Variants in ADCY5 observed in about 807,000 individuals in gnomAD.
ADCY5 encodes the protein adenylate cyclase type 5.
Under a neutral mutation model 119.7 loss-of-function variants are expected in ADCY5, and 30 were observed. The ratio of observed to expected loss-of-function variants is 0.25; its 90% confidence interval spans 0.19 to 0.34. The LOEUF (loss-of-function observed/expected upper bound fraction) is 0.34, where lower values mean the gene tolerates loss of function less well. Among genes scored for constraint, ADCY5 ranks in the 10% least tolerant of loss-of-function variants. The probability of loss-of-function intolerance (pLI) is 1.00; values close to 1 mark genes in which losing one functional copy is unlikely to be tolerated. For synonymous variants in ADCY5, 753 were observed against 762.2 expected (o/e 0.99, Z 0.20); for missense variants, 1,324 against 1,775.2 (o/e 0.75, Z 4.57).
At position 123,291,218 on chromosome 3, in the gene ADCY5, G is replaced by A. The variant is rs961682801; in HGVS notation, c.3222C>T (p.Phe1074=). Residue 1074 remains phenylalanine (F), a synonymous_variant, in exon 18 of 21, where the codon TTC becomes TTT. Coordinates refer to ENST00000462833, the MANE Select transcript of ADCY5 (RefSeq NM_183357.3). ...ACTCGGAGAAGTTGGCGATGGAGGC[G>A]AACATGACCGCCACACACTCACAGG... ...YQSCECVAVM[F]ASIANFSEFY... 1.1e-5 allele frequency: 17 copies of A among 1,613,898 alleles called. No homozygotes were observed. Among genetic ancestry groups the A allele is most frequent in the African/African-American group, 5.3e-5 (4 of 74,922 alleles).
In ADCY5 at chr3:123,432,411, C is replaced by T. The variant is rs368533914; in HGVS notation, c.1134+15001G>A. Among the ~76,000 whole-genome samples, 29 of 152,116 alleles carry T rather than the reference C, an allele frequency of 1.9e-4. 1 individual carries two copies. Among genetic ancestry groups the T allele is most frequent in the African/African-American group, 6.5e-4 (27 of 41,434 alleles). On this transcript the variant is annotated intron_variant, in intron 1 of 20. Transcript: ENST00000462833. The stretch of plus-strand genomic sequence containing the variant: ...CCAGAAGAAAGACTGGAGAAGGAAC[C>T]GGGTGGAGGGAGAGAAAAATGGTGC...
chr3:123,387,727 C>A (rs1190211653), intron 1 of ADCY5, among the ~76,000 whole-genome samples: 3 of 152,210 alleles, frequency 2.0e-5, no homozygotes, highest in Non-Finnish European at 4.4e-5. Flanking sequence ...ATTAGGCAAA[C>A]ATGTACTAAA....
intron 1 of ADCY5, among the ~76,000 whole-genome samples, chr3:123,381,644 G>T (rs1175771594): frequency 6.6e-6 from 1 of 152,160 alleles, no homozygotes; most frequent in Non-Finnish European, 1.5e-5. Context: ...TGTACAAGGG[G>T]TCCCATATTT....
intron 1 of ADCY5, among the ~76,000 whole-genome samples, chr3:123,423,610 C>A (rs547202609): frequency 6.6e-6 from 1 of 152,168 alleles, no homozygotes; most frequent in Non-Finnish European, 1.5e-5. Flanking sequence ...TGAGGACAGA[C>A]AAGCCCCTGC....
At chr3:123,441,175 G>T (rs1945715714) in intron 1 of ADCY5, among the ~76,000 whole-genome samples, 1 of 152,176 alleles carries the variant, frequency 6.6e-6, no homozygotes, top group African/African-American at 2.4e-5. Context: ...CACCTGGGGA[G>T]ATTTGAAAAC....
chr3:123,429,892 A>AAT (rs1945488975), intron 1 of ADCY5, among the ~76,000 whole-genome samples: 1 of 152,060 alleles, frequency 6.6e-6, no homozygotes, highest in South Asian at 2.1e-4. Context: ...TCCCCAGCTC[A>AAT]CCTGCCCCAA....
chr3:123,447,197 G>A (rs951763291), intron 1 of ADCY5, among the ~76,000 whole-genome samples: 1 of 152,204 alleles, frequency 6.6e-6, no homozygotes, highest in Non-Finnish European at 1.5e-5. Flanking sequence ...AAGGGGCAAG[G>A]AACACTGCAA....
Position 123,282,808 on chromosome 3 carries a change from C to T in ADCY5, c.*1800G>A, listed in dbSNP as rs545028884. ...TGCTAGAGCCCAGTGAGAGGTGGTA[C>T]AGGTGGACATCAAAGTCACATTGTG... is the stretch of plus-strand genomic sequence containing the variant. On this transcript the variant is annotated 3_prime_UTR_variant, in exon 21 of 21. Transcript: ENST00000462833. 2 of 152,262 alleles carry T rather than the reference C, an allele frequency of 1.3e-5. No individual in the cohort carries two copies. The highest frequency in any genetic ancestry group is 3.9e-4 in the East Asian group (2 of 5,170). The allele number at this position is 152,262 out of a possible 1,614,324, so 9.4% of individuals were successfully genotyped here. A position where few individuals can be genotyped will look rare whatever the true frequency, so the allele number is the denominator to read the frequency against.
chr3:123,319,634 G>C, intron 10 of ADCY5, 40 bp downstream of exon 10: 1 of 1,605,136 alleles, frequency 6.2e-7, no homozygotes, highest in Admixed American at 1.7e-5. Context: ...CCTGGTCCTG[G>C]TTCAGCACAG....
intron 1 of ADCY5, among the ~76,000 whole-genome samples, chr3:123,432,390 A>G (rs934460671): frequency 2.0e-5 from 3 of 152,168 alleles, no homozygotes; most frequent in African/African-American, 7.2e-5. Context: ...AAGACACCAG[A>G]AGAAAGACTG....
chr3:123,342,684 A>G (rs1248711699), intron 3 of ADCY5, among the ~76,000 whole-genome samples: 2 of 152,162 alleles, frequency 1.3e-5, no homozygotes, highest in Non-Finnish European at 2.9e-5. Context: ...GTCTGGAATG[A>G]TCTCTCACCC....
chr3:123,448,032 C>T lies in ADCY5; in HGVS notation c.514G>A (p.Glu172Lys). The change falls in exon 1 of 21, where the codon GAG becomes AAG. Residue 172 changes from glutamate to lysine, a missense_variant. By Grantham distance (56) the Glu-to-Lys change is moderately conservative. Transcript: ENST00000462833. ...ERRGKGRAAD[E>K]LEAGAVEGGE... ...CCCTCGACGGCGCCGGCCTCCAGCT[C>T]GTCGGCCGCGCGCCCCTTGCCCCGC... 3 of 1,251,446 alleles carry T rather than the reference C, an allele frequency of 2.4e-6. No individual in the cohort carries two copies. Among genetic ancestry groups the T allele is most frequent in the Non-Finnish European group, 3.0e-6 (3 of 1,000,130 alleles). The allele number at this position is 1,251,446 out of a possible 1,614,324, so 77.5% of individuals were successfully genotyped here.
At chr3:123,326,609 G>T (rs1213933460) in intron 7 of ADCY5, among the ~76,000 whole-genome samples, 1 of 152,226 alleles carries the variant, frequency 6.6e-6, no homozygotes. Context: ...TTGATACTAT[G>T]GCCAAGGAAC....
intron 12 of ADCY5, among the ~76,000 whole-genome samples, chr3:123,310,556 C>T (rs1940510406): frequency 6.6e-6 from 1 of 152,192 alleles, no homozygotes; most frequent in Admixed American, 6.5e-5. Flanking sequence ...CCCCTTCCAA[C>T]CTGAGATTCT....
intron 1 of ADCY5, among the ~76,000 whole-genome samples, chr3:123,419,900 T>C (rs1945266248): frequency 6.6e-6 from 1 of 151,894 alleles, no homozygotes; most frequent in Non-Finnish European, 1.5e-5. Context: ...TATTCTACCT[T>C]GTATTATTTG....
At chr3:123,430,306 C>T (rs1181816322) in intron 1 of ADCY5, among the ~76,000 whole-genome samples, 1 of 152,196 alleles carries the variant, frequency 6.6e-6, no homozygotes, top group East Asian at 1.9e-4. Flanking sequence ...CTCACAGGGA[C>T]AGGCCTCACC....
rs993083685 is a variant in ADCY5, at chr3:123,318,928, C to A, written c.2256+746G>T. ...AATGCAACAGAGAGATCTTGACTGTCCCTGCCAACTTTAACACCTTGAGGT... is the reference window on the plus strand; with the variant it reads ...AATGCAACAGAGAGATCTTGACTGTACCTGCCAACTTTAACACCTTGAGGT... On this transcript the variant is annotated intron_variant, in intron 10 of 20. Transcript: ENST00000462833. Among the ~76,000 whole-genome samples, 5 of 152,190 alleles carry A rather than the reference C, an allele frequency of 3.3e-5. 1 individual carries two copies. Among genetic ancestry groups the A allele is most frequent in the Non-Finnish European group, 5.9e-5 (4 of 68,046 alleles).
intron 1 of ADCY5, among the ~76,000 whole-genome samples, chr3:123,424,712 A>G (rs1945367287): frequency 6.6e-6 from 1 of 152,138 alleles, no homozygotes; most frequent in Non-Finnish European, 1.5e-5. Flanking sequence ...CAGCCTGGCC[A>G]GTACACACTG....
intron 12 of ADCY5, among the ~76,000 whole-genome samples, chr3:123,304,950 G>T (rs963807417): frequency 6.6e-6 from 1 of 152,056 alleles, no homozygotes; most frequent in African/African-American, 2.4e-5. Flanking sequence ...GGACAGAGAA[G>T]CCAAGCAGAG....
Sources: gnomAD v4.1 joint callset for allele counts (sites outside exome capture counted in the v4.1 genomes callset) on GRCh38, gnomAD v4.1.1 for gene constraint, MANE v1.5 for transcripts, NCBI Gene and HGNC (gene_info 2026-07-23, HGNC 2026-07-21) for gene names.